Variants in SEM1 observed in about 807,000 individuals in gnomAD.
The protein encoded by SEM1 is SEM1 26S proteasome subunit.
A neutral mutation model predicts 12.7 loss-of-function variants in SEM1; 3 were observed. The ratio of observed to expected loss-of-function variants is 0.24; its 90% confidence interval spans 0.11 to 0.61. The LOEUF (loss-of-function observed/expected upper bound fraction) is 0.61. Ranked by LOEUF, SEM1 falls within the 20% of genes least tolerant of loss-of-function variation. SEM1 has a pLI of 0.88. For missense variants in SEM1, 59 were observed against 81.3 expected (o/e 0.73, Z 1.06); for synonymous variants, 30 against 27.8 (o/e 1.08, Z -0.25).
chr7:96,668,024 G>A (rs1390337840), intron 2 of SEM1, among the ~76,000 whole-genome samples: 1 of 152,144 alleles, frequency 6.6e-6, no homozygotes, highest in Non-Finnish European at 1.5e-5. Flanking sequence ...ACCTGTGGAG[G>A]TGGAAACCCA....
At chr7:96,704,430 T>G (rs899263254) in intron 1 of SEM1, among the ~76,000 whole-genome samples, 2 of 152,144 alleles carry the variant, frequency 1.3e-5, no homozygotes, top group African/African-American at 4.8e-5. Context: ...AAAAATATTT[T>G]AAAGAGGAAG....
chr7:96,548,009 C>CA (rs1805155644), intron 2 of SEM1, among the ~76,000 whole-genome samples: 1 of 150,860 alleles, frequency 6.6e-6, no homozygotes, highest in African/African-American at 2.4e-5. Context: ...GTACACTGGG[C>CA]AAAAAATAAA....
At chr7:96,529,373 A>G (rs1168914668) in intron 2 of SEM1, among the ~76,000 whole-genome samples, 1 of 152,168 alleles carries the variant, frequency 6.6e-6, no homozygotes, top group Non-Finnish European at 1.5e-5. Context: ...AAAGTAGCTT[A>G]TTTAGGAACT....
chr7:96,484,649 C>T (rs1002778756), intron 3 of SEM1, among the ~76,000 whole-genome samples: 1 of 152,140 alleles, frequency 6.6e-6, no homozygotes, highest in Admixed American at 6.5e-5. Context: ...CAAGTAGATA[C>T]AGAAGCCAGC....
chr7:96,695,059 T>C (rs182350565), intron 1 of SEM1, 168 bp from the exon 2 acceptor site: 11 of 429,066 alleles, frequency 2.6e-5, no homozygotes, highest in East Asian at 2.0e-4. Context: ...TCTAGTTCTC[T>C]CAATTCTTGA....
intron 1 of SEM1, among the ~76,000 whole-genome samples, chr7:96,701,326 T>A (rs2115977593): frequency 6.6e-6 from 1 of 151,532 alleles, no homozygotes; most frequent in Middle Eastern, 3.4e-3. Context: ...TTGAATGAGG[T>A]CTTGCGGGTA....
intron 2 of SEM1, among the ~76,000 whole-genome samples, chr7:96,563,554 C>T (rs191384240): frequency 2.5e-4 from 38 of 152,092 alleles, no homozygotes; most frequent in Non-Finnish European, 4.1e-4. Context: ...TGGAATTTAT[C>T]AGGGTCGATG....
At chr7:96,667,119 T>A (rs1339373900) in intron 2 of SEM1, among the ~76,000 whole-genome samples, 1 of 152,188 alleles carries the variant, frequency 6.6e-6, no homozygotes, top group Non-Finnish European at 1.5e-5. Flanking sequence ...ACAAATGTGG[T>A]TGGGACGGAA....
intron 2 of SEM1, among the ~76,000 whole-genome samples, chr7:96,583,495 G>C (rs962647122): frequency 8.7e-5 from 13 of 148,984 alleles, no homozygotes; most frequent in African/African-American, 3.0e-4. Context: ...GGTCCACTTG[G>C]TGCAGAGCTG....
exon 3 of SEM1, chr7:96,484,844 T>C (rs1563022137): frequency 7.8e-7 from 1 of 1,288,538 alleles, no homozygotes; most frequent in African/African-American, 1.5e-5. Flanking sequence ...TTCTTTTTTC[T>C]TGAGGTGGAG....
At chr7:96,578,259 C>A in intron 2 of SEM1, among the ~76,000 whole-genome samples, 2 of 141,030 alleles carry the variant, frequency 1.4e-5, no homozygotes. Context: ...ATTCAGTGTC[C>A]TGATAAGAGA....
intron 2 of SEM1, among the ~76,000 whole-genome samples, chr7:96,534,283 G>T (rs975251234): frequency 4.6e-5 from 7 of 152,048 alleles, no homozygotes; most frequent in Non-Finnish European, 1.0e-4. Context: ...ATTTGTAACT[G>T]CCACTGTGAG....
At chr7:96,693,597 A>G (rs1789993790) in intron 2 of SEM1, among the ~76,000 whole-genome samples, 2 of 152,064 alleles carry the variant, frequency 1.3e-5, no homozygotes, top group African/African-American at 4.8e-5. Flanking sequence ...TTAAAACAAA[A>G]AAGAAAAATA....
At chr7:96,680,848 T>C (rs200982303) in intron 2 of SEM1, among the ~76,000 whole-genome samples, 1 of 152,230 alleles carries the variant, frequency 6.6e-6, no homozygotes, top group East Asian at 1.9e-4. Context: ...ATTCTGGCCA[T>C]TGTTTGTCAT....
intron 2 of SEM1, among the ~76,000 whole-genome samples, chr7:96,516,656 C>G (rs189540594): frequency 8.7e-4 from 132 of 152,268 alleles, no homozygotes; most frequent in Middle Eastern, 3.4e-3. Context: ...GGTACAGCCA[C>G]TTTGGAAGAC....
rs1790344090 is a variant in SEM1 at position 96,703,697 on chromosome 7, C to T, written c.76+5991G>A. Among the ~76,000 whole-genome samples the T allele has an allele frequency of 2.0e-5, 3 of 151,812 alleles. No individual in the cohort carries two copies. In the South Asian group the frequency reaches 6.2e-4, roughly 32 times the overall value. On this transcript the variant is annotated intron_variant, in intron 1 of 2. Coordinates refer to ENST00000248566, the MANE Select transcript of SEM1 (RefSeq NM_006304.2). ...CAGGTGCAGTGGCTCACCTGTAATC[C>T]CAGCACCTGGGAAGACTGATGGGAA...
chr7:96,582,302 T>C (rs993868858), intron 2 of SEM1, among the ~76,000 whole-genome samples: 1 of 148,922 alleles, frequency 6.7e-6, no homozygotes, highest in African/African-American at 2.5e-5. Flanking sequence ...TGAACCAGCC[T>C]TGCATCCCAG....
At chr7:96,529,528 A>C (rs1053014054) in intron 2 of SEM1, among the ~76,000 whole-genome samples, 2 of 152,140 alleles carry the variant, frequency 1.3e-5, no homozygotes, top group African/African-American at 4.8e-5. Context: ...TTCATGTAAA[A>C]TAATTTGGTA....
intron 2 of SEM1, among the ~76,000 whole-genome samples, chr7:96,525,810 A>G (rs954480281): frequency 4.6e-5 from 7 of 152,080 alleles, no homozygotes; most frequent in Admixed American, 2.0e-4. Context: ...TGTGAACTAC[A>G]CTTGCAAGGG....
Sources: gnomAD v4.1 joint callset for allele counts (sites outside exome capture counted in the v4.1 genomes callset) on GRCh38, gnomAD v4.1.1 for gene constraint, MANE v1.5 for transcripts, NCBI Gene and HGNC (gene_info 2026-07-23, HGNC 2026-07-21) for gene names.